The following COLGALT1 variants were observed in gnomAD, a reference collection of about 807,000 sequenced individuals.
COLGALT1 encodes collagen beta(1-O)galactosyltransferase 1, also known as procollagen galactosyltransferase 1.
COLGALT1 carries 43 observed loss-of-function variants against 60.8 expected under a neutral mutation model. The ratio of observed to expected loss-of-function variants is 0.71; its 90% confidence interval spans 0.55 to 0.91. COLGALT1 has a LOEUF of 0.91. Among genes scored for constraint, COLGALT1 ranks in the 40% least tolerant of loss-of-function variants. The pLI is 0.00. For synonymous variants in COLGALT1, 369 were observed against 374.2 expected, an observed-to-expected ratio of 0.99 and a Z score of 0.16; for missense variants, 845 against 880.0, an observed-to-expected ratio of 0.96 and a Z score of 0.50.
intron 8 of COLGALT1, 140 bp from the exon 9 acceptor site, chr19:17,577,817 C>T (rs998582773): frequency 5.6e-5 from 64 of 1,147,248 alleles, no homozygotes; most frequent in Admixed American, 4.8e-4. Context: ...TGAGTGAGGC[C>T]CCATGTGCCC....
chr19:17,581,697 C>T lies in COLGALT1; in HGVS notation c.*253C>T. ...AGCCCTCTTCATCTGTTCATGTGCCCAGCATTTATTAAGCACCTGCTGTAT... is the reference window on the plus strand; with the variant it reads ...AGCCCTCTTCATCTGTTCATGTGCCTAGCATTTATTAAGCACCTGCTGTAT... On this transcript the variant is annotated 3_prime_UTR_variant, in exon 12 of 12. Coordinates refer to ENST00000252599, the MANE Select transcript of COLGALT1 (RefSeq NM_024656.4). The T allele has an allele frequency of 3.6e-6, 2 of 550,926 alleles. No individual in the cohort carries two copies. The highest frequency in any genetic ancestry group is 6.5e-6 in the Non-Finnish European group (2 of 309,532). 34.1% of individuals were successfully genotyped at this position (550,926 alleles called of 1,614,324 possible).
In COLGALT1 at chr19:17,577,345, A is replaced by C; in HGVS notation, c.1027-16A>C. ...TTTGCAGGGGCTGATCTGGCTGGGG[A>C]CTCTCCGGGCTGCAGGTCTTCATGA... On this transcript the variant is annotated splice_polypyrimidine_tract_variant and intron_variant, in intron 7 of 11. Transcript: ENST00000252599. The C allele has an allele frequency of 6.2e-7, 1 of 1,604,044 alleles. No homozygotes were observed.
At chr19:17,575,398 A>C (rs2144839948) in intron 6 of COLGALT1, among the ~76,000 whole-genome samples, 1 of 152,132 alleles carries the variant, frequency 6.6e-6, no homozygotes, top group African/African-American at 2.4e-5. Context: ...GGCGCCTGCT[A>C]CCACATCCGG....
intron 1 of COLGALT1, among the ~76,000 whole-genome samples, chr19:17,557,348 C>A (rs2076218871): frequency 6.6e-6 from 1 of 152,158 alleles, no homozygotes; most frequent in Non-Finnish European, 1.5e-5. Flanking sequence ...GTCGCCCAGG[C>A]TGGAGTACAG....
At chr19:17,575,734 G>A (rs2076337051) in intron 6 of COLGALT1, among the ~76,000 whole-genome samples, 1 of 151,992 alleles carries the variant, frequency 6.6e-6, no homozygotes, top group African/African-American at 2.4e-5. Context: ...GGAGTGCAGT[G>A]TCACCATCAT....
intron 6 of COLGALT1, 191 bp from the exon 7 acceptor site, chr19:17,577,004 T>TGGGGGAGGGGTTAAGC: frequency 3.3e-6 from 1 of 307,172 alleles, no homozygotes; most frequent in East Asian, 4.8e-5. Context: ...GGCCAGGGCT[T>TGGGGGAGGGGTTAAGC]TGGGCTGCTG....
Position 17,559,427 on chromosome 19 carries a change from C to T in COLGALT1, c.371+6C>T. ...CGGCCAGCAGAGGAGCCCAGGTGAGCATCTTTCCCCTGCTCCTAGTCTGAT... is the reference window on the plus strand; with the variant it reads ...CGGCCAGCAGAGGAGCCCAGGTGAGTATCTTTCCCCTGCTCCTAGTCTGAT... On this transcript the variant is annotated splice_donor_region_variant and intron_variant, in intron 2 of 11. Transcript: ENST00000252599. 1.3e-6 allele frequency: 2 copies of T among 1,545,124 alleles called. No homozygotes were observed. Among genetic ancestry groups the T allele is most frequent in the South Asian group, 1.2e-5 (1 of 83,898 alleles).
intron 9 of COLGALT1, 103 bp from the exon 10 acceptor site, chr19:17,579,379 G>A: frequency 2.0e-6 from 3 of 1,498,806 alleles, no homozygotes; most frequent in Middle Eastern, 3.6e-4. Context: ...AGATGCACTG[G>A]CTTCTCTACG....
At chr19:17,574,074 G>A (rs1219847769) in intron 6 of COLGALT1, among the ~76,000 whole-genome samples, 1 of 151,962 alleles carries the variant, frequency 6.6e-6, no homozygotes, top group Non-Finnish European at 1.5e-5. Context: ...GGGCTGAGCT[G>A]TAATTGAGGT....
chr19:17,574,145 C>T (rs377405875), intron 6 of COLGALT1, among the ~76,000 whole-genome samples: 4 of 152,224 alleles, frequency 2.6e-5, no homozygotes, highest in Middle Eastern at 3.4e-3. Flanking sequence ...CTGCACTGGG[C>T]GCAGAAAGCC....
At chr19:17,566,269 G>A (rs973619054) in intron 3 of COLGALT1, 4 of 151,876 alleles carry the variant, frequency 2.6e-5, no homozygotes, top group African/African-American at 9.7e-5. Flanking sequence ...GGGAGACTCA[G>A]GGAGAATTGC....
At chr19:17,576,323 TG>T (rs1351304922) in intron 6 of COLGALT1, among the ~76,000 whole-genome samples, 1 of 151,230 alleles carries the variant, frequency 6.6e-6, no homozygotes, top group Non-Finnish European at 1.5e-5. Context: ...GTGGGGAGGG[TG>T]ACCCCCATGC....
At chr19:17,564,835 C>T (rs746859903) in intron 3 of COLGALT1, among the ~76,000 whole-genome samples, 18 of 152,110 alleles carry the variant, frequency 1.2e-4, no homozygotes, top group Admixed American at 2.0e-4. Flanking sequence ...ACCTCTAATT[C>T]TAGAACATTT....
rs375037939 is a variant in COLGALT1 at position 17,581,277 on chromosome 19, G to A, written c.1702G>A (p.Val568Met). Residue 568 changes from valine to methionine, a missense_variant, in exon 12 of 12, where the codon GTG (valine) becomes ATG (methionine). Physicochemically the swap from Val to Met is conservative, Grantham distance 21. Coordinates refer to ENST00000252599, the MANE Select transcript of COLGALT1 (RefSeq NM_024656.4). ...PTHYTGDDGYVSDTETSVVWN... is the reference protein window; with the variant it reads ...PTHYTGDDGYMSDTETSVVWN... ...ACACTACACAGGAGACGATGGCTAT[G>A]TGAGTGACACCGAGACCTCAGTCGT... The A allele has an allele frequency of 1.9e-6, 3 of 1,612,402 alleles. No individual in the cohort carries two copies. The highest frequency in any genetic ancestry group is 2.7e-5 in the African/African-American group (2 of 74,818).
chr19:17,564,291 G>A (rs1252017714), intron 3 of COLGALT1, among the ~76,000 whole-genome samples: 1 of 148,178 alleles, frequency 6.7e-6, no homozygotes, highest in East Asian at 2.1e-4. Flanking sequence ...GTGTGCGTGT[G>A]TGTATACATA....
intron 1 of COLGALT1, 128 bp downstream of exon 1, chr19:17,556,101 T>TCGCTA: frequency 9.3e-7 from 1 of 1,075,930 alleles, no homozygotes; most frequent in East Asian, 3.3e-5. Context: ...TGCTTCCTGC[T>TCGCTA]CGCTACCCCC....
chr19:17,556,482 G>A, intron 1 of COLGALT1: 1 of 974,760 alleles, frequency 1.0e-6, no homozygotes, highest in South Asian at 4.7e-5. Context: ...TCAAACCCCT[G>A]CCCTCAGACC....
At position 17,567,454 on chromosome 19, in the gene COLGALT1, C is replaced by T. The variant is rs535283675; in HGVS notation, c.538C>T (p.Leu180Phe). The T allele has an allele frequency of 6.2e-7, 1 of 1,614,116 alleles. No individual in the cohort carries two copies. Among genetic ancestry groups the T allele is most frequent in the East Asian group, 2.2e-5 (1 of 44,884 alleles). ...LILNPDTLSLLIAENKTVVAP... is the reference protein window; with the variant it reads ...LILNPDTLSLFIAENKTVVAP... Reference sequence around the variant, plus strand: ...CCTCAACCCTGACACACTGAGCCTGCTCATCGCTGAGAACAAGACGGTGGT... The same window carrying T: ...CCTCAACCCTGACACACTGAGCCTGTTCATCGCTGAGAACAAGACGGTGGT... The change falls in exon 4 of 12, where the codon CTC becomes TTC. Residue 180 changes from leucine to phenylalanine, a missense_variant. Leu to Phe is a conservative substitution (Grantham distance 22). Coordinates refer to ENST00000252599, the MANE Select transcript of COLGALT1 (RefSeq NM_024656.4).
intron 5 of COLGALT1, among the ~76,000 whole-genome samples, chr19:17,572,092 G>A (rs1378825181): frequency 6.6e-6 from 1 of 151,966 alleles, no homozygotes; most frequent in African/African-American, 2.4e-5. Context: ...CAGGTGGATC[G>A]CGAGGTCAGG....
Sources: allele counts gnomAD v4.1 joint callset (sites outside exome capture counted in the v4.1 genomes callset), GRCh38; gene constraint gnomAD v4.1.1; transcripts MANE v1.5; gene names NCBI Gene and HGNC (gene_info 2026-07-23, HGNC 2026-07-21).